CHN2: variants seen among roughly 807,000 people sequenced by gnomAD.
The protein encoded by CHN2 is beta-chimaerin.
In CHN2, 35 loss-of-function variants were observed where a neutral mutation model predicts 56.3. That is an observed-to-expected ratio of 0.62 (90% CI 0.47 to 0.82). The LOEUF (loss-of-function observed/expected upper bound fraction) is 0.82, where lower values mean the gene tolerates loss of function less well. CHN2 is among the 40% of genes least tolerant of loss of function. The pLI, the probability that CHN2 is intolerant of heterozygous loss-of-function variation, is 0.00. For missense variants in CHN2, 491 were observed against 580.5 expected (o/e 0.85, Z 1.58); for synonymous variants, 210 against 212.8 (o/e 0.99, Z 0.12).
chr7:29,467,600 G>A (rs1371401160), intron 6 of CHN2, among the ~76,000 whole-genome samples: 2 of 152,196 alleles, frequency 1.3e-5, no homozygotes, highest in Non-Finnish European at 2.9e-5. Flanking sequence ...AAAGAGATTA[G>A]AAAATGAAGT....
chr7:29,417,804 T>A (rs1803927981), intron 6 of CHN2, among the ~76,000 whole-genome samples: 1 of 152,080 alleles, frequency 6.6e-6, no homozygotes, highest in South Asian at 2.1e-4. Context: ...TTAAAAAAAA[T>A]TAAGGCAAAA....
intron 2 of CHN2, among the ~76,000 whole-genome samples, chr7:29,355,739 C>T (rs1015653845): frequency 8.0e-5 from 12 of 150,328 alleles, no homozygotes; most frequent in Admixed American, 4.0e-4. Flanking sequence ...AGCCAAGTCC[C>T]GAATTCTTAC....
At chr7:29,473,482 T>TTTGTGTGTG (rs539151442) in intron 6 of CHN2, among the ~76,000 whole-genome samples, 5 of 118,196 alleles carry the variant, frequency 4.2e-5, no homozygotes, top group African/African-American at 1.7e-4. Context: ...TTTTTTTTTT[T>TTTGTGTGTG]TGTGTGTGTG....
chr7:29,315,118 C>T (rs574768091), intron 1 of CHN2, among the ~76,000 whole-genome samples: 177 of 151,966 alleles, frequency 1.2e-3, no homozygotes, highest in African/African-American at 4.0e-3. Context: ...GGAAACAAAG[C>T]GATGTATTTA....
chr7:29,468,343 C>T (rs1012983528), intron 6 of CHN2, among the ~76,000 whole-genome samples: 34 of 152,094 alleles, frequency 2.2e-4, no homozygotes, highest in African/African-American at 7.5e-4. Context: ...GGTTAGGAGG[C>T]GGAGCTGGGT....
intron 3 of CHN2, 141 bp downstream of exon 3, chr7:29,368,128 A>T: frequency 3.8e-6 from 2 of 526,386 alleles, no homozygotes. Flanking sequence ...TAACATCTTC[A>T]TAATCTATAT....
At chr7:29,149,573 A>G (rs1258474896) in intron 2 of CHN2, among the ~76,000 whole-genome samples, 1 of 152,202 alleles carries the variant, frequency 6.6e-6, no homozygotes, top group Non-Finnish European at 1.5e-5. Context: ...GGACAGGAGT[A>G]TGTGCTTTCC....
At chr7:29,315,345 T>C (rs80296550) in intron 1 of CHN2, among the ~76,000 whole-genome samples, 3,213 of 152,318 alleles carry the variant, frequency 0.021, 127 homozygotes, top group African/African-American at 0.074. Flanking sequence ...GCAATTTCCC[T>C]TGTATGATCC....
At chr7:29,367,805 T>C (rs1799285948) in intron 2 of CHN2, 127 bp from the exon 3 acceptor site, 3 of 663,242 alleles carry the variant, frequency 4.5e-6, no homozygotes, top group Non-Finnish European at 6.7e-6. Context: ...GTGCCTGTAT[T>C]CTCTTGTTTT....
chr7:29,498,498 A>G (rs1262328161), intron 8 of CHN2, among the ~76,000 whole-genome samples: 1 of 152,210 alleles, frequency 6.6e-6, no homozygotes, highest in African/African-American at 2.4e-5. Context: ...CTCAGCCAAT[A>G]AAAATTACAT....
intron 1 of CHN2, among the ~76,000 whole-genome samples, chr7:29,296,521 A>G (rs1562897957): frequency 6.6e-6 from 1 of 152,250 alleles, no homozygotes; most frequent in Non-Finnish European, 1.5e-5. Flanking sequence ...GTAAAACAAT[A>G]GAGAGATGTC....
chr7:29,480,323 C>G lies in CHN2; in HGVS notation c.621C>G (p.Asn207Lys), dbSNP rs780736484. 8.7e-6 allele frequency: 14 copies of G among 1,614,092 alleles called. No individual in the cohort carries two copies. Among genetic ancestry groups the G allele is most frequent in the Middle Eastern group, 1.6e-4 (1 of 6,084 alleles). Residue 207 changes from asparagine to lysine, a missense_variant, in exon 7 of 13, where the codon AAC (asparagine) becomes AAG (lysine). Coordinates refer to ENST00000222792, the MANE Select transcript of CHN2 (RefSeq NM_004067.4). Reference protein sequence around the residue: ...VRRAALTHNDNHFNYEKTHNF... With the variant: ...VRRAALTHNDKHFNYEKTHNF... ...GGGCTGCCCTCACACACAACGACAA[C>G]CACTTCAATTATGAGAAGACACACA...
intron 2 of CHN2, among the ~76,000 whole-genome samples, chr7:29,176,691 T>C (rs1020428636): frequency 1.8e-4 from 27 of 152,014 alleles, no homozygotes; most frequent in African/African-American, 5.8e-4. Flanking sequence ...GCCAAGAAAA[T>C]GGGAAACTTC....
intron 1 of CHN2, among the ~76,000 whole-genome samples, chr7:29,327,833 C>G (rs762655978): frequency 2.0e-5 from 3 of 152,146 alleles, no homozygotes; most frequent in Admixed American, 1.3e-4. Flanking sequence ...GTTAATTTAA[C>G]AGTTTGGTCT....
intron 11 of CHN2, among the ~76,000 whole-genome samples, chr7:29,508,617 C>G (rs1409234514): frequency 6.6e-6 from 1 of 152,000 alleles, no homozygotes; most frequent in Non-Finnish European, 1.5e-5. Flanking sequence ...AAGGTTCTAG[C>G]ATCTAGATAT....
intron 1 of CHN2, among the ~76,000 whole-genome samples, chr7:29,326,864 G>A (rs144609252): frequency 6.6e-6 from 1 of 152,274 alleles, no homozygotes; most frequent in African/African-American, 2.4e-5. Flanking sequence ...AATTATGAAT[G>A]AGCTCTTATT....
At chr7:29,476,781 G>T (rs1786640075) in intron 6 of CHN2, among the ~76,000 whole-genome samples, 1 of 152,070 alleles carries the variant, frequency 6.6e-6, no homozygotes, top group Admixed American at 6.5e-5. Flanking sequence ...TACAGGCAAA[G>T]AATGCCACTG....
At chr7:29,396,055 C>G (rs934414907) in intron 4 of CHN2, among the ~76,000 whole-genome samples, 5 of 151,874 alleles carry the variant, frequency 3.3e-5, no homozygotes, top group Middle Eastern at 3.4e-3. Context: ...CACATGTTCT[C>G]CATAAATATG....
intron 3 of CHN2, among the ~76,000 whole-genome samples, chr7:29,387,433 T>A (rs574499920): frequency 6.6e-6 from 1 of 152,350 alleles, no homozygotes; most frequent in Admixed American, 6.5e-5. Context: ...GCACTCTTGT[T>A]TTCCGAATAC....
Sources: gnomAD v4.1 joint callset for allele counts (sites outside exome capture counted in the v4.1 genomes callset) on GRCh38, gnomAD v4.1.1 for gene constraint, MANE v1.5 for transcripts, NCBI Gene and HGNC (gene_info 2026-07-23, HGNC 2026-07-21) for gene names.